CNDP2: variants seen among roughly 807,000 people sequenced by gnomAD.
CNDP2 encodes cytosolic non-specific dipeptidase.
A neutral mutation model predicts 55.0 loss-of-function variants in CNDP2; 38 were observed. That is an observed-to-expected ratio of 0.69 (90% CI 0.53 to 0.90). CNDP2 has a LOEUF of 0.90. CNDP2 is among the 40% of genes least tolerant of loss of function. CNDP2 has a pLI of 0.00. For synonymous variants in CNDP2, 241 were observed against 260.2 expected (o/e 0.93, Z 0.71); for missense variants, 607 against 621.7 (o/e 0.98, Z 0.25).
intron 5 of CNDP2, among the ~76,000 whole-genome samples, chr18:74,510,063 C>T (rs558209814): frequency 6.6e-6 from 1 of 152,360 alleles, no homozygotes; most frequent in East Asian, 1.9e-4. Context: ...AGTGGAGGCA[C>T]CTCGGGCTCT....
In CNDP2 at chr18:74,520,079, C is replaced by T; in HGVS notation, c.*11C>T. The T allele has an allele frequency of 6.2e-7, 1 of 1,613,954 alleles. No homozygotes were observed. On this transcript the variant is annotated 3_prime_UTR_variant, in exon 12 of 12. Coordinates refer to ENST00000324262, the MANE Select transcript of CNDP2 (RefSeq NM_018235.3). ...CAGCTGAAGGACTAGGCCAAGCCCT[C>T]TGTGTGCCATCTCCAATGAGAAGGA... is the stretch of plus-strand genomic sequence containing the variant.
rs771434749 is a variant in CNDP2, at chr18:74,520,946, A to T, written c.*878A>T. On this transcript the variant is annotated 3_prime_UTR_variant, in exon 12 of 12. Transcript: ENST00000324262. ...ATTTGGAAAGGAAATGAGGAAAGAA[A>T]TTAGGGCCTCCTCTGATCTCTCGCT... 2 of 152,252 alleles carry T rather than the reference A, an allele frequency of 1.3e-5. No homozygotes were observed. Among genetic ancestry groups the T allele is most frequent in the Non-Finnish European group, 2.9e-5 (2 of 68,056 alleles). The allele number at this position is 152,252 out of a possible 1,614,324, so 9.4% of individuals were successfully genotyped here. A position where few individuals can be genotyped will look rare whatever the true frequency, so the allele number is the denominator to read the frequency against.
At chr18:74,513,765 G>A in intron 8 of CNDP2, 46 bp downstream of exon 8, 2 of 1,590,278 alleles carry the variant, frequency 1.3e-6, no homozygotes, top group Non-Finnish European at 1.7e-6. Flanking sequence ...GCCACGCTGT[G>A]ACACAGGTGT....
At position 74,519,022 on chromosome 18, in the gene CNDP2, G is replaced by A. The variant is rs766266358; in HGVS notation, c.1284G>A (p.Thr428=). 22 of 1,613,870 alleles carry A rather than the reference G, an allele frequency of 1.4e-5. No individual in the cohort carries two copies. Among genetic ancestry groups the A allele is most frequent in the Non-Finnish European group, 1.5e-5 (18 of 1,179,952 alleles). Residue 428 remains threonine, a synonymous_variant, in exon 11 of 12, where the codon ACG becomes ACA. Coordinates refer to ENST00000324262, the MANE Select transcript of CNDP2 (RefSeq NM_018235.3). ...TGACCTTGACCTTTCAGGAGGCCAC[G>A]GGCAAGAACGTCATGCTGCTGCCTG... ...IPVTLTFQEA[T]GKNVMLLPVG...
At chr18:74,518,190 A>G (rs973989530) in intron 9 of CNDP2, 12 of 187,840 alleles carry the variant, frequency 6.4e-5, no homozygotes, top group African/African-American at 9.4e-5. Context: ...TGAACCCGGG[A>G]GGCGGAGCTT....
chr18:74,504,698 A>T (rs1978912662), intron 3 of CNDP2: 2 of 152,270 alleles, frequency 1.3e-5, no homozygotes, highest in African/African-American at 4.8e-5. Flanking sequence ...TCTAGCAACT[A>T]GACTAATATA....
At chr18:74,505,513 C>T (rs1978958393) in intron 3 of CNDP2, among the ~76,000 whole-genome samples, 1 of 151,600 alleles carries the variant, frequency 6.6e-6, no homozygotes, top group Admixed American at 6.6e-5. Context: ...ACCTAAGAAT[C>T]GCTTGAGCCT....
At chr18:74,499,440 A>T (rs1241903316) in intron 1 of CNDP2, 1 of 152,768 alleles carries the variant, frequency 6.5e-6, no homozygotes, top group Non-Finnish European at 1.5e-5. Context: ...AACTTTCTTA[A>T]ACTGAATCTG....
rs563095367 is a variant in CNDP2 at position 74,511,033 on chromosome 18, G to A, written c.657+20G>A. The stretch of plus-strand genomic sequence containing the variant: ...ATCGAGGTACAGTGCCAAGCTGTAC[G>A]GGTCACTTCTTTCTAACCCCTGAAT... On this transcript the variant is annotated intron_variant, in intron 6 of 11. Coordinates refer to ENST00000324262, the MANE Select transcript of CNDP2 (RefSeq NM_018235.3). 15 of 1,598,836 alleles carry A rather than the reference G, an allele frequency of 9.4e-6. No individual in the cohort carries two copies. The highest frequency in any genetic ancestry group is 1.8e-4 in the Middle Eastern group (1 of 5,688).
At chr18:74,519,869 C>A in intron 11 of CNDP2, 130 bp from the exon 12 acceptor site, 1 of 740,412 alleles carries the variant, frequency 1.4e-6, no homozygotes, top group Non-Finnish European at 2.2e-6. Flanking sequence ...GGGCTCAGGG[C>A]CCCCAAGCTG....
intron 3 of CNDP2, among the ~76,000 whole-genome samples, 189 bp from the exon 4 acceptor site, chr18:74,505,660 G>A (rs1978970985): frequency 6.6e-6 from 1 of 151,990 alleles, no homozygotes; most frequent in African/African-American, 2.4e-5. Context: ...CATGTGCTCT[G>A]GAGTACAAGA....
intron 3 of CNDP2, among the ~76,000 whole-genome samples, chr18:74,502,419 A>C (rs1387023518): frequency 6.6e-6 from 1 of 151,574 alleles, no homozygotes; most frequent in African/African-American, 2.4e-5. Flanking sequence ...CATGAAGTTG[A>C]GTGAGGACTT....
chr18:74,518,736 C>A, intron 10 of CNDP2, 96 bp downstream of exon 10: 2 of 1,547,016 alleles, frequency 1.3e-6, no homozygotes. Flanking sequence ...ATGTCGGGGG[C>A]GCTGCTGTAT....
intron 10 of CNDP2, 90 bp downstream of exon 10, chr18:74,518,730 C>T (rs933352442): frequency 5.8e-6 from 9 of 1,560,820 alleles, no homozygotes; most frequent in South Asian, 2.3e-5. Context: ...GTAGCTATGT[C>T]GGGGGCGCTG....
chr18:74,518,428 G>T, intron 9 of CNDP2, 71 bp from the exon 10 acceptor site: 1 of 1,582,424 alleles, frequency 6.3e-7, no homozygotes, highest in Non-Finnish European at 8.7e-7. Flanking sequence ...TAGCAGACCC[G>T]TAGGTCACTA....
intron 5 of CNDP2, among the ~76,000 whole-genome samples, chr18:74,510,460 G>A (rs1009070547): frequency 5.3e-5 from 8 of 152,222 alleles, no homozygotes; most frequent in South Asian, 2.1e-4. Flanking sequence ...TCACACAGGA[G>A]GACCCGCACC....
At chr18:74,513,476 C>G (rs1979469395) in intron 7 of CNDP2, 83 bp from the exon 8 acceptor site, 1 of 1,410,766 alleles carries the variant, frequency 7.1e-7, no homozygotes, top group Non-Finnish European at 9.4e-7. Context: ...CTGAGCCTGG[C>G]TTCCTGGGGT....
Position 74,518,954 on chromosome 18 carries a change from G to A in CNDP2, c.1216G>A (p.Gly406Ser). The change falls in exon 11 of 12, where the codon GGT becomes AGT. Residue 406 changes from glycine to serine, a missense_variant. Physicochemically the swap from Gly to Ser is moderately conservative, Grantham distance 56 (BLOSUM62 0). Transcript: ENST00000324262. The stretch of plus-strand genomic sequence containing the variant: ...TTTATTTCATTTCCCCCCAGTTTTT[G>A]GTGTTGAGCCAGACTTGACCAGGGA... ...AGRRAMKTVF[G>S]VEPDLTREGG... is the part of the protein sequence containing the mutation. The A allele has an allele frequency of 2.5e-6, 4 of 1,613,818 alleles. No individual in the cohort carries two copies. The highest frequency in any genetic ancestry group is 3.4e-6 in the Non-Finnish European group (4 of 1,179,986).
Position 74,513,736 on chromosome 18 carries a change from G to T in CNDP2, c.903+17G>T. On this transcript the variant is annotated intron_variant, in intron 8 of 11. Transcript: ENST00000324262. ...AGCCACAAGGTCTGGTTCAGGGCTCGACTCTGCCACCTGCCCAGGCCACGC... is the reference window on the plus strand; with the variant it reads ...AGCCACAAGGTCTGGTTCAGGGCTCTACTCTGCCACCTGCCCAGGCCACGC... 1 of 1,609,852 alleles carries T rather than the reference G, an allele frequency of 6.2e-7. No homozygotes were observed. Among genetic ancestry groups the T allele is most frequent in the Non-Finnish European group, 8.5e-7 (1 of 1,177,342 alleles).
Sources: gnomAD v4.1 joint callset for allele counts (sites outside exome capture counted in the v4.1 genomes callset) on GRCh38, gnomAD v4.1.1 for gene constraint, MANE v1.5 for transcripts, NCBI Gene and HGNC (gene_info 2026-07-23, HGNC 2026-07-21) for gene names.